CNTN4: variants seen among roughly 807,000 people sequenced by gnomAD.
CNTN4 encodes the protein contactin 4.
CNTN4 carries 77 observed loss-of-function variants against 122.5 expected under a neutral mutation model. The ratio of observed to expected loss-of-function variants is 0.63; its 90% confidence interval spans 0.52 to 0.76. The LOEUF (loss-of-function observed/expected upper bound fraction) is 0.76, where lower values mean the gene tolerates loss of function less well. CNTN4 is among the 30% of genes least tolerant of loss of function. CNTN4 has a pLI of 0.00. For missense variants in CNTN4, 1,256 were observed against 1,259.1 expected (o/e 1.00, Z 0.04); for synonymous variants, 512 against 447.0 (o/e 1.15, Z -1.83).
chr3:2,431,961 G>C (rs1010858118), intron 3 of CNTN4, among the ~76,000 whole-genome samples: 7 of 152,088 alleles, frequency 4.6e-5, no homozygotes, highest in African/African-American at 1.4e-4. Flanking sequence ...TAAGAAATAG[G>C]CCAGATTATC....
intron 10 of CNTN4, among the ~76,000 whole-genome samples, chr3:2,895,925 C>T (rs185641803): frequency 7.0e-4 from 107 of 152,096 alleles, no homozygotes; most frequent in African/African-American, 2.4e-3. Flanking sequence ...CCCAGCTACT[C>T]GGGAGGCTGA....
intron 4 of CNTN4, among the ~76,000 whole-genome samples, chr3:2,659,578 G>A (rs913747389): frequency 2.6e-5 from 4 of 151,044 alleles, no homozygotes; most frequent in African/African-American, 9.7e-5. Flanking sequence ...GTTCTCTTAT[G>A]TCCTATAAAG....
At chr3:2,704,772 T>C (rs13080275) in intron 4 of CNTN4, among the ~76,000 whole-genome samples, 88,845 of 152,042 alleles carry the variant, frequency 0.58, 27,479 homozygotes, top group East Asian at 0.81. Flanking sequence ...AAATGAGAGA[T>C]GTTCAATACA....
intron 14 of CNTN4, among the ~76,000 whole-genome samples, chr3:3,005,565 A>G (rs1483260922): frequency 6.6e-6 from 1 of 151,820 alleles, no homozygotes; most frequent in Non-Finnish European, 1.5e-5. Flanking sequence ...TATTTCTCAC[A>G]GTTCTGGAGG....
chr3:2,621,893 T>G (rs1032002503), intron 4 of CNTN4, among the ~76,000 whole-genome samples: 1 of 152,136 alleles, frequency 6.6e-6, no homozygotes, highest in Non-Finnish European at 1.5e-5. Context: ...CTGGGATCTT[T>G]TGTGTGTCCA....
intron 6 of CNTN4, among the ~76,000 whole-genome samples, chr3:2,798,371 A>ATCTATCTATCTATCTATCTATCTG (rs1559514877): frequency 5.4e-5 from 8 of 149,234 alleles, no homozygotes; most frequent in Non-Finnish European, 1.2e-4. Flanking sequence ...ACATAAATCT[A>ATCTATCTATCTATCTATCTATCTG]TCTATCTATC....
At chr3:2,368,189 G>A (rs1450937108) in intron 3 of CNTN4, among the ~76,000 whole-genome samples, 3 of 72,922 alleles carry the variant, frequency 4.1e-5, no homozygotes, top group African/African-American at 9.5e-5. Context: ...CCGCCACCAC[G>A]CCCAGCTAAT....
chr3:2,290,721 G>A (rs2042102936), intron 2 of CNTN4, among the ~76,000 whole-genome samples: 1 of 152,228 alleles, frequency 6.6e-6, no homozygotes, highest in South Asian at 2.1e-4. Flanking sequence ...AGCCATTGAA[G>A]AGTTTAAGCA....
intron 2 of CNTN4, among the ~76,000 whole-genome samples, chr3:2,314,293 AAGTACAACTGGAGGAATAAT>A (rs1373955321): frequency 6.6e-6 from 1 of 152,094 alleles, no homozygotes; most frequent in East Asian, 1.9e-4. Context: ...AATTATCCTG[AAGTACAACTGGAGGAATAAT>A]ATTCAAGGGT....
At chr3:2,504,060 G>A (rs1445563082) in intron 3 of CNTN4, among the ~76,000 whole-genome samples, 2 of 151,760 alleles carry the variant, frequency 1.3e-5, no homozygotes, top group African/African-American at 4.8e-5. Context: ...GAACAAAATA[G>A]AACAGTTTAG....
At chr3:2,802,206 T>C (rs1344908987) in intron 6 of CNTN4, among the ~76,000 whole-genome samples, 4 of 152,234 alleles carry the variant, frequency 2.6e-5, no homozygotes, top group Non-Finnish European at 1.5e-5. Context: ...CTGAAATTTA[T>C]CGATAACCCT....
chr3:2,307,794 A>C (rs975240369), intron 2 of CNTN4, among the ~76,000 whole-genome samples: 1 of 134,326 alleles, frequency 7.4e-6, no homozygotes, highest in Non-Finnish European at 1.5e-5. Context: ...TACTTGAATA[A>C]TCTGTTGTGG....
chr3:2,120,566 C>G (rs1157187160), intron 2 of CNTN4, among the ~76,000 whole-genome samples: 2 of 151,176 alleles, frequency 1.3e-5, no homozygotes, highest in Non-Finnish European at 2.9e-5. Context: ...CTATGCCCAG[C>G]TAATTTTTGT....
At chr3:2,916,315 G>A (rs112146960) in intron 12 of CNTN4, among the ~76,000 whole-genome samples, 59,911 of 147,844 alleles carry the variant, frequency 0.41, 12,560 homozygotes, top group East Asian at 0.63. Context: ...AAGTGAACAA[G>A]GGTCTCTGGT....
intron 3 of CNTN4, among the ~76,000 whole-genome samples, chr3:2,477,774 A>G (rs1207339120): frequency 6.6e-6 from 1 of 152,200 alleles, no homozygotes; most frequent in Non-Finnish European, 1.5e-5. Flanking sequence ...GGGAGGGACT[A>G]ATTTCCATCA....
intron 3 of CNTN4, among the ~76,000 whole-genome samples, chr3:2,419,002 T>A (rs2047518886): frequency 6.6e-6 from 1 of 152,154 alleles, no homozygotes. Flanking sequence ...CAGAATCTTA[T>A]GGGAAAAGTC....
At chr3:2,389,125 C>T (rs1201971183) in intron 3 of CNTN4, among the ~76,000 whole-genome samples, 1 of 152,016 alleles carries the variant, frequency 6.6e-6, no homozygotes, top group Non-Finnish European at 1.5e-5. Flanking sequence ...CGCACCACTG[C>T]ACTCCAGCCT....
intron 3 of CNTN4, among the ~76,000 whole-genome samples, chr3:2,416,461 T>C (rs1483310822): frequency 6.6e-6 from 1 of 152,184 alleles, no homozygotes; most frequent in African/African-American, 2.4e-5. Flanking sequence ...AATCTAACCA[T>C]CTTGTGTTAC....
At chr3:2,631,792 G>T (rs2082439308) in intron 4 of CNTN4, among the ~76,000 whole-genome samples, 1 of 146,788 alleles carries the variant, frequency 6.8e-6, no homozygotes, top group Non-Finnish European at 1.5e-5. Flanking sequence ...GCTTCAGAAG[G>T]CCAAGATGGG....
Sources: allele counts gnomAD v4.1 joint callset (sites outside exome capture counted in the v4.1 genomes callset), GRCh38; gene constraint gnomAD v4.1.1; transcripts MANE v1.5; gene names NCBI Gene and HGNC (gene_info 2026-07-23, HGNC 2026-07-21).